Variants in EGF observed in about 807,000 individuals in gnomAD.
EGF encodes the protein pro-epidermal growth factor.
A neutral mutation model predicts 143.8 loss-of-function variants in EGF; 95 were observed. That is an observed-to-expected ratio of 0.66 (90% CI 0.56 to 0.78). The LOEUF is 0.78. Ranked by LOEUF, EGF falls within the 30% of genes least tolerant of loss-of-function variation. The probability of loss-of-function intolerance (pLI) is 0.00; values close to 1 mark genes in which losing one functional copy is unlikely to be tolerated. For synonymous variants in EGF, 510 were observed against 510.5 expected (o/e 1.00, Z 0.01); for missense variants, 1,320 against 1,470.9 (o/e 0.90, Z 1.68).
At position 109,987,009 on chromosome 4, in the gene EGF, A is replaced by T. The variant is rs1253366765; in HGVS notation, c.2492-735A>T. On this transcript the variant is annotated intron_variant, in intron 16 of 23. Coordinates refer to ENST00000265171, the MANE Select transcript of EGF (RefSeq NM_001963.6). ...CTTTTTATAATTGAATTTCTTTGCC[A>T]TGTTGGTGCACAGATCTACTTGCTA... Among the ~76,000 whole-genome samples, 3 of 152,264 alleles carry T rather than the reference A, an allele frequency of 2.0e-5. No homozygotes were observed. The East Asian group carries it at 5.8e-4, about 29-fold the overall frequency.
rs762841951 is a variant in EGF, at chr4:109,980,906, C to T, written c.2302C>T (p.Arg768Cys). The stretch of plus-strand genomic sequence containing the variant: ...GCTTGGAACTGCTTGGTGTTCGTGT[C>T]GTGAAGGTTTTATGAAAGCCTCAGA... ...KRLGTAWCSC[R>C]EGFMKASDGK... Residue 768 changes from arginine to cysteine, a missense_variant, in exon 15 of 24, where the codon CGT becomes TGT. Transcript: ENST00000265171. 10 of 1,613,932 alleles carry T rather than the reference C, an allele frequency of 6.2e-6. No homozygotes were observed. The highest frequency in any genetic ancestry group is 2.2e-5 in the East Asian group (1 of 44,896).
intron 18 of EGF, among the ~76,000 whole-genome samples, chr4:109,992,668 T>C (rs1751146616): frequency 6.6e-6 from 1 of 152,038 alleles, no homozygotes; most frequent in African/African-American, 2.4e-5. Flanking sequence ...TGCAGCACTA[T>C]TCACAATAGC....
At chr4:109,946,406 A>G (rs1018751247) in intron 5 of EGF, among the ~76,000 whole-genome samples, 1 of 152,142 alleles carries the variant, frequency 6.6e-6, no homozygotes, top group African/African-American at 2.4e-5. Context: ...TAACTCCTCA[A>G]ACATGCTAAT....
chr4:109,928,366 T>A (rs1467208333), intron 1 of EGF, among the ~76,000 whole-genome samples: 1 of 152,200 alleles, frequency 6.6e-6, no homozygotes, highest in Non-Finnish European at 1.5e-5. Context: ...TTCAAAGATT[T>A]TCTGATTGGC....
At chr4:109,931,795 A>AT (rs1407907433) in intron 1 of EGF, among the ~76,000 whole-genome samples, 2 of 152,248 alleles carry the variant, frequency 1.3e-5, no homozygotes, top group Non-Finnish European at 2.9e-5. Flanking sequence ...TAAACAAACA[A>AT]TTTTGGGAAA....
chr4:109,917,795 T>C (rs1165507182), intron 1 of EGF, among the ~76,000 whole-genome samples: 2 of 151,334 alleles, frequency 1.3e-5, no homozygotes, highest in Non-Finnish European at 2.9e-5. Context: ...AATTTTTGTA[T>C]TTTTAGTAGA....
chr4:109,952,194 G>T (rs991012473), intron 5 of EGF, among the ~76,000 whole-genome samples: 1 of 152,096 alleles, frequency 6.6e-6, no homozygotes, highest in Non-Finnish European at 1.5e-5. Flanking sequence ...AACTTCTGGG[G>T]ATTTTACAAC....
At chr4:110,004,758 ACATC>A (rs1352245682) in intron 22 of EGF, 136 bp downstream of exon 22, 1 of 373,408 alleles carries the variant, frequency 2.7e-6, no homozygotes, top group Non-Finnish European at 5.2e-6. Context: ...AGCCAAGACC[ACATC>A]AGCTAGGGAG....
At chr4:109,975,931 A>G in intron 12 of EGF, 81 bp from the exon 13 acceptor site, 1 of 1,426,198 alleles carries the variant, frequency 7.0e-7, no homozygotes, top group Non-Finnish European at 9.9e-7. Flanking sequence ...GAGGTAATTT[A>G]CATTGATATT....
At chr4:109,968,020 A>G (rs151039514) in intron 10 of EGF, among the ~76,000 whole-genome samples, 3 of 152,332 alleles carry the variant, frequency 2.0e-5, no homozygotes, top group African/African-American at 7.2e-5. Context: ...GTGAAGGCTT[A>G]GGACATGACT....
chr4:109,927,382 G>A (rs1016978673), intron 1 of EGF, among the ~76,000 whole-genome samples: 15 of 151,986 alleles, frequency 9.9e-5, no homozygotes, highest in Non-Finnish European at 1.8e-4. Flanking sequence ...TTTAACATGC[G>A]GGGGGACTTT....
rs900596285 is a variant in EGF at position 109,981,550 on chromosome 4, C to T, written c.2371+575C>T. ...TTATTTGCCTCCCTTGAATGTGCAC[C>T]CAAACAATCTGGGCATCTGTGGATT... On this transcript the variant is annotated intron_variant, in intron 15 of 23. Coordinates refer to ENST00000265171, the MANE Select transcript of EGF (RefSeq NM_001963.6). 3.9e-4 allele frequency among the ~76,000 whole-genome samples: 60 copies of T among 152,064 alleles called. 1 individual carries two copies. The highest frequency in any genetic ancestry group is 5.9e-5 in the Non-Finnish European group (4 of 68,018).
chr4:109,929,097 T>C (rs1255199966), intron 1 of EGF, among the ~76,000 whole-genome samples: 2 of 152,298 alleles, frequency 1.3e-5, no homozygotes, highest in African/African-American at 4.8e-5. Context: ...TCCAGCCTTA[T>C]GGTGAATATG....
In EGF at chr4:109,943,273, A is replaced by G; in HGVS notation, c.347A>G (p.Lys116Arg). 2.5e-6 allele frequency: 4 copies of G among 1,607,082 alleles called. No individual in the cohort carries two copies. The highest frequency in any genetic ancestry group is 3.4e-6 in the Non-Finnish European group (4 of 1,176,912). ...SRQERVCNIE[K>R]NVSGMAINWI... is the part of the protein sequence containing the mutation. ...TTGCAGAGAGTATGTAATATAGAGA[A>G]AAATGTTTCTGGAATGGCAATAAAT... Residue 116 changes from lysine to arginine, a missense_variant, in exon 3 of 24, where the codon AAA becomes AGA. Transcript: ENST00000265171.
intron 11 of EGF, among the ~76,000 whole-genome samples, chr4:109,970,564 A>C (rs1169133124): frequency 3.9e-5 from 6 of 152,156 alleles, no homozygotes; most frequent in African/African-American, 1.4e-4. Context: ...ACAGGTTTTT[A>C]AAAATCTGTT....
Position 109,969,150 on chromosome 4 carries a change from T to A in EGF, c.1724+31T>A, listed in dbSNP as rs747678620. ...TTTTCTGCTTCAGTTTTAAGCTGTG[T>A]GAGATGGGAGTGATGGGATAGGTAA... is the stretch of plus-strand genomic sequence containing the variant. On this transcript the variant is annotated intron_variant, in intron 11 of 23. Transcript: ENST00000265171. 32 of 1,613,864 alleles carry A rather than the reference T, an allele frequency of 2.0e-5. 1 individual carries two copies. In the South Asian group the frequency reaches 3.5e-4, roughly 18 times the overall value.
At position 109,983,484 on chromosome 4, in the gene EGF, T is replaced by A; in HGVS notation, c.2434T>A (p.Ser812Thr). 2 of 1,613,858 alleles carry A rather than the reference T, an allele frequency of 1.2e-6. No individual in the cohort carries two copies. The highest frequency in any genetic ancestry group is 2.2e-5 in the South Asian group (2 of 91,066). ...GGACATCTTGTCCAAGACTAGAGTG[T>A]CAGAAGATAACATTACAGAATCTCA... The part of the protein sequence containing the change: ...PLDILSKTRV[S>T]EDNITESQHM... The change falls in exon 16 of 24, where the codon TCA (serine) becomes ACA (threonine). Residue 812 changes from serine (S) to threonine (T), a missense_variant. Ser to Thr is a moderately conservative substitution (Grantham distance 58). Around this residue, in one of 5 missense-constraint regions of EGF, gnomAD observed 1,186 missense variants for 1,313.7 expected, o/e 0.90. Coordinates refer to ENST00000265171, the MANE Select transcript of EGF (RefSeq NM_001963.6).
intron 18 of EGF, 49 bp from the exon 19 acceptor site, chr4:109,993,198 C>G (rs200402048): frequency 2.5e-6 from 4 of 1,610,852 alleles, no homozygotes; most frequent in African/African-American, 1.3e-5. Context: ...ATAAAACCCT[C>G]TTTTTCTGTA....
intron 1 of EGF, among the ~76,000 whole-genome samples, chr4:109,937,869 G>T (rs1348059733): frequency 1.3e-5 from 2 of 152,190 alleles, no homozygotes; most frequent in African/African-American, 2.4e-5. Flanking sequence ...TAGGATTTCT[G>T]CAGAGAGATC....
Sources: gnomAD v4.1 joint callset for allele counts (sites outside exome capture counted in the v4.1 genomes callset) on GRCh38, gnomAD v4.1.1 for gene constraint, gnomAD v4.1.1 regional missense constraint, MANE v1.5 for transcripts, NCBI Gene and HGNC (gene_info 2026-07-23, HGNC 2026-07-21) for gene names.